The following LARGE1 variants were observed in gnomAD, a reference collection of about 807,000 sequenced individuals.
LARGE1 encodes xylosyl- and glucuronyltransferase LARGE1.
Under a neutral mutation model 87.6 loss-of-function variants are expected in LARGE1, and 43 were observed. The observed-to-expected ratio is 0.49, with a 90% CI of 0.38 to 0.63. The LOEUF is 0.63. Ranked by LOEUF, LARGE1 falls within the 30% of genes least tolerant of loss-of-function variation. LARGE1 has a pLI of 0.00. For missense variants in LARGE1, 802 were observed against 1,000.2 expected (o/e 0.80, Z 2.67); for synonymous variants, 434 against 394.6 (o/e 1.10, Z -1.18).
chr22:33,069,210 A>C, the LARGE1 span, among the ~76,000 whole-genome samples: 17 of 152,224 alleles, frequency 1.1e-4, no homozygotes, highest in East Asian at 3.3e-3. Context: ...GCCGTCTAAC[A>C]ATGCTTTATT....
intron 9 of LARGE1, among the ~76,000 whole-genome samples, chr22:33,344,209 ACACT>A (rs1422343541): frequency 6.6e-6 from 1 of 152,200 alleles, no homozygotes; most frequent in East Asian, 1.9e-4. Context: ...AATCAAGTTG[ACACT>A]CAGTTTTAAC....
intron 11 of LARGE1, among the ~76,000 whole-genome samples, chr22:33,308,642 C>T (rs941385812): frequency 2.8e-4 from 42 of 152,212 alleles, no homozygotes; most frequent in African/African-American, 9.4e-4. Flanking sequence ...TTGTACCTGC[C>T]GCCATGTGAA....
intron 1 of LARGE1, among the ~76,000 whole-genome samples, chr22:33,918,326 C>A (rs934034871): frequency 1.3e-5 from 2 of 152,204 alleles, no homozygotes; most frequent in African/African-American, 4.8e-5. Context: ...CCGATCTTCC[C>A]GTTAAAAACC....
chr22:33,316,485 A>C (rs1209990546), intron 10 of LARGE1, among the ~76,000 whole-genome samples: 1 of 152,262 alleles, frequency 6.6e-6, no homozygotes, highest in Non-Finnish European at 1.5e-5. Flanking sequence ...TCACACCTGT[A>C]ATGTCAGCAC....
At chr22:33,368,196 A>G (rs931115763) in intron 9 of LARGE1, among the ~76,000 whole-genome samples, 1 of 152,150 alleles carries the variant, frequency 6.6e-6, no homozygotes, top group African/African-American at 2.4e-5. Flanking sequence ...TAAATCTTCT[A>G]TAGTCTTAGT....
chr22:33,469,694 G>T (rs5754569), intron 6 of LARGE1, among the ~76,000 whole-genome samples: 1 of 151,300 alleles, frequency 6.6e-6, no homozygotes, highest in African/African-American at 2.4e-5. Flanking sequence ...TAGGCATGGG[G>T]GCATGCACCT....
At chr22:33,763,639 T>C (rs1005376725) in intron 1 of LARGE1, among the ~76,000 whole-genome samples, 4 of 152,146 alleles carry the variant, frequency 2.6e-5, no homozygotes, top group Non-Finnish European at 5.9e-5. Context: ...TGACTGGCTG[T>C]GACCTTGACC....
the LARGE1 span, among the ~76,000 whole-genome samples, chr22:33,130,820 C>CA: frequency 6.6e-6 from 1 of 151,822 alleles, no homozygotes; most frequent in African/African-American, 2.4e-5. Context: ...CCGAGGCAGG[C>CA]AGATTACGAG....
intron 1 of LARGE1, among the ~76,000 whole-genome samples, chr22:33,813,511 A>C (rs993211859): frequency 6.6e-5 from 10 of 152,072 alleles, no homozygotes; most frequent in African/African-American, 1.9e-4. Context: ...GATACATAAA[A>C]CAGAATTGAG....
At chr22:33,471,733 A>G (rs568358671) in intron 6 of LARGE1, among the ~76,000 whole-genome samples, 153 of 152,130 alleles carry the variant, frequency 1.0e-3, no homozygotes, top group Non-Finnish European at 1.8e-3. Context: ...TCTTATGATC[A>G]ATAAAAGATA....
At chr22:33,166,922 C>T in intron 11 of LARGE1, 1 of 462,678 alleles carries the variant, frequency 2.2e-6, no homozygotes, top group South Asian at 1.6e-5. Flanking sequence ...AGAGTAACCA[C>T]ACACTTCAAT....
chr22:33,847,810 T>C (rs2063478033), intron 1 of LARGE1, among the ~76,000 whole-genome samples: 1 of 152,242 alleles, frequency 6.6e-6, no homozygotes, highest in Non-Finnish European at 1.5e-5. Context: ...AACAACTGCC[T>C]AAAAACCCAG....
chr22:33,805,736 A>AAAAT lies in LARGE1; in HGVS notation c.-82-44182_-82-44179dup, dbSNP rs1373490783. 9.5e-3 allele frequency among the ~76,000 whole-genome samples: 1,063 copies of AAAAT among 112,132 alleles called. 6 individuals are homozygous for AAAAT. The highest frequency in any genetic ancestry group is 0.025 in the East Asian group (90 of 3,666). The allele number at this position is 112,132 out of a possible 152,430, so 73.6% of individuals were successfully genotyped here. On this transcript the variant is annotated intron_variant, in intron 1 of 14. Transcript: ENST00000397394. ...GCGACAGAGCAAGACTCTGTCTCAAAAAATAAATAAATAAGTAAATAAATG... is the reference window on the plus strand; with the variant it reads ...GCGACAGAGCAAGACTCTGTCTCAAAAAATAAATAAATAAATAAGTAAATAAATG...
chr22:33,647,360 A>G (rs1335240857), intron 3 of LARGE1, among the ~76,000 whole-genome samples: 2 of 152,232 alleles, frequency 1.3e-5, no homozygotes, highest in African/African-American at 4.8e-5. Context: ...AGTTGTGTCA[A>G]TAGGATCTAA....
At chr22:33,254,935 A>ATTTTTT (rs11363318) in intron 11 of LARGE1, among the ~76,000 whole-genome samples, 4 of 128,270 alleles carry the variant, frequency 3.1e-5, no homozygotes, top group African/African-American at 1.3e-4. Flanking sequence ...CTACCTGTAG[A>ATTTTTT]TTTTTTTTTT....
intron 11 of LARGE1, among the ~76,000 whole-genome samples, chr22:33,186,769 G>A (rs927235232): frequency 1.2e-4 from 18 of 152,120 alleles, no homozygotes; most frequent in African/African-American, 4.1e-4. Context: ...CTTAATATGT[G>A]AGTTTAGCAA....
chr22:33,881,038 T>TA (rs1423241107), intron 1 of LARGE1, among the ~76,000 whole-genome samples: 1 of 151,552 alleles, frequency 6.6e-6, no homozygotes, highest in Non-Finnish European at 1.5e-5. Flanking sequence ...CTTGTCTACT[T>TA]AATAAGTAGC....
intron 3 of LARGE1, among the ~76,000 whole-genome samples, chr22:33,645,798 C>T (rs2080593908): frequency 6.6e-6 from 1 of 152,166 alleles, no homozygotes; most frequent in Non-Finnish European, 1.5e-5. Flanking sequence ...AGAGACACTT[C>T]TCAAAAGAAG....
At chr22:33,785,120 T>TATAC (rs1569445857) in intron 1 of LARGE1, among the ~76,000 whole-genome samples, 1,558 of 56,584 alleles carry the variant, frequency 0.028, 66 homozygotes, top group Admixed American at 0.052. Flanking sequence ...CATATGTGTA[T>TATAC]ATGCATATAT....
Sources: allele counts gnomAD v4.1 joint callset (sites outside exome capture counted in the v4.1 genomes callset), GRCh38; gene constraint gnomAD v4.1.1; transcripts MANE v1.5; gene names NCBI Gene and HGNC (gene_info 2026-07-23, HGNC 2026-07-21).